Variants in SHISA9 observed in about 807,000 individuals in gnomAD.
SHISA9 encodes protein shisa-9.
Under a neutral mutation model 38.0 loss-of-function variants are expected in SHISA9, and 13 were observed. The ratio of observed to expected loss-of-function variants is 0.34; its 90% confidence interval spans 0.22 to 0.54. SHISA9 has a LOEUF of 0.54. Ranked by LOEUF, SHISA9 falls within the 20% of genes least tolerant of loss-of-function variation. SHISA9 has a pLI of 0.91. For missense variants in SHISA9, 538 were observed against 575.8 expected (o/e 0.93, Z 0.67); for synonymous variants, 275 against 242.0 (o/e 1.14, Z -1.27).
Position 12,902,158 on chromosome 16 carries a change from C to T in SHISA9, c.94C>T (p.Leu32=). The T allele has an allele frequency of 6.5e-7, 1 of 1,526,808 alleles. No homozygotes were observed. The highest frequency in any genetic ancestry group is 8.8e-7 in the Non-Finnish European group (1 of 1,142,846). The allele number at this position is 1,526,808 out of a possible 1,614,324, so 94.6% of individuals were successfully genotyped here. Residue 32 remains leucine, a synonymous_variant, in exon 1 of 5, where the codon CTG becomes TTG. Transcript: ENST00000558583. ...RAQERAGHGQ[L]AQLGGVLLLA... ...GCAGGAGCGAGCGGGACACGGGCAG[C>T]TGGCGCAACTGGGCGGCGTGTTGCT... is the stretch of plus-strand genomic sequence containing the variant.
intron 2 of SHISA9, among the ~76,000 whole-genome samples, chr16:13,123,412 G>A (rs1428012513): frequency 6.6e-6 from 1 of 152,208 alleles, no homozygotes; most frequent in African/African-American, 2.4e-5. Context: ...GCTGCTCGAT[G>A]GGAAATTGAT....
rs1268457124 is a variant in SHISA9 at position 12,974,203 on chromosome 16, T to A, written c.691+57388T>A. 2.6e-5 allele frequency among the ~76,000 whole-genome samples: 4 copies of A among 152,008 alleles called. No individual in the cohort carries two copies. In the East Asian group the frequency reaches 7.7e-4, roughly 29 times the overall value. On this transcript the variant is annotated intron_variant, in intron 2 of 4. Transcript: ENST00000558583. ...TGTATTCACTGCTCATGACTCAAAT[T>A]ATGGGGAGAAAGCGTATATCTGGAC...
chr16:13,167,560 G>A lies in SHISA9; in HGVS notation c.692-35834G>A, dbSNP rs376710301. Among the ~76,000 whole-genome samples, 24 of 152,300 alleles carry A rather than the reference G, an allele frequency of 1.6e-4. No homozygotes were observed. In the East Asian group the frequency reaches 2.1e-3, roughly 13 times the overall value. ...GTATTGGAGGTGGGGCCTGGTGAGA[G>A]GTGATTGGATGATGGGGGCCATGCC... is the stretch of plus-strand genomic sequence containing the variant. On this transcript the variant is annotated intron_variant, in intron 2 of 4. Coordinates refer to ENST00000558583, the MANE Select transcript of SHISA9 (RefSeq NM_001145204.3).
the SHISA9 span, among the ~76,000 whole-genome samples, chr16:13,308,008 G>A: frequency 7.7e-4 from 118 of 152,302 alleles, 1 homozygote; most frequent in Non-Finnish European, 1.4e-3. Flanking sequence ...ACAGACCAGG[G>A]AAAATTTGTT....
At chr16:13,243,768 C>T (rs1400792889), downstream of SHISA9, among the ~76,000 whole-genome samples, 12 of 121,552 alleles carry the variant, frequency 9.9e-5, 1 homozygote, top group South Asian at 1.5e-3. Flanking sequence ...TTTACAGCAG[C>T]GTTTTTTTTT....
chr16:13,015,858 C>CTTTGTTTCTTTCTTTCTTTCTTTCTT (rs879889298), intron 2 of SHISA9, among the ~76,000 whole-genome samples: 1 of 59,730 alleles, frequency 1.7e-5, no homozygotes, highest in African/African-American at 1.1e-4. Flanking sequence ...CTTTCCCTTT[C>CTTTGTTTCTTTCTTTCTTTCTTTCTT]TTTCTTTCTT....
intron 2 of SHISA9, among the ~76,000 whole-genome samples, chr16:13,167,073 T>TA (rs1388622089): frequency 3.6e-4 from 18 of 50,208 alleles, no homozygotes; most frequent in African/African-American, 1.7e-3. Flanking sequence ...CTCTTTTTTC[T>TA]TTTTTTTTTT....
chr16:13,506,261 A>T, the SHISA9 span, among the ~76,000 whole-genome samples: 1 of 152,184 alleles, frequency 6.6e-6, no homozygotes, highest in Non-Finnish European at 1.5e-5. Flanking sequence ...AGTATCTGCC[A>T]CATGCCAGGC....
At chr16:13,360,056 G>T in the SHISA9 span, among the ~76,000 whole-genome samples, 1 of 152,216 alleles carries the variant, frequency 6.6e-6, no homozygotes, top group African/African-American at 2.4e-5. Context: ...GGGCTAAAGC[G>T]TGGAAGGACA....
the SHISA9 span, among the ~76,000 whole-genome samples, chr16:13,496,163 G>A: frequency 6.6e-6 from 1 of 152,036 alleles, no homozygotes; most frequent in African/African-American, 2.4e-5. Flanking sequence ...ATGTAGCCAG[G>A]CAGAAAACAA....
chr16:13,420,176 G>A, the SHISA9 span, among the ~76,000 whole-genome samples: 20,794 of 146,878 alleles, frequency 0.14, 1,546 homozygotes, highest in Non-Finnish European at 0.17. Context: ...AATCTGGAGC[G>A]GGGAGGTTGC....
intron 2 of SHISA9, among the ~76,000 whole-genome samples, chr16:13,138,809 T>C (rs540679824): frequency 6.6e-6 from 1 of 152,160 alleles, no homozygotes; most frequent in African/African-American, 2.4e-5. Context: ...TTGGAAACTT[T>C]TATTATTTTT....
At chr16:12,920,087 G>A (rs2071308338) in intron 2 of SHISA9, among the ~76,000 whole-genome samples, 1 of 151,920 alleles carries the variant, frequency 6.6e-6, no homozygotes, top group African/African-American at 2.4e-5. Context: ...GTGAGTGAGG[G>A]GCTGTGGCTA....
chr16:13,275,952 G>A, the SHISA9 span, among the ~76,000 whole-genome samples: 1 of 151,064 alleles, frequency 6.6e-6, no homozygotes, highest in East Asian at 1.9e-4. Flanking sequence ...ATAATTTATT[G>A]GGGTACAGGT....
chr16:12,937,777 A>C (rs561640083), intron 2 of SHISA9, among the ~76,000 whole-genome samples: 2 of 152,360 alleles, frequency 1.3e-5, no homozygotes, highest in African/African-American at 4.8e-5. Context: ...CCCATCTTCA[A>C]ATACAGAACC....
the SHISA9 span, among the ~76,000 whole-genome samples, chr16:13,483,067 G>A: frequency 5.3e-5 from 8 of 152,198 alleles, no homozygotes. Flanking sequence ...TCTGAGGGGT[G>A]GTGGTGGTTC....
chr16:13,335,882 A>G, the SHISA9 span, among the ~76,000 whole-genome samples: 1 of 152,342 alleles, frequency 6.6e-6, no homozygotes, highest in African/African-American at 2.4e-5. Flanking sequence ...AAATGGAGAC[A>G]TATTATCAAC....
At position 13,070,599 on chromosome 16, in the gene SHISA9, A is replaced by C. The variant is rs139342807; in HGVS notation, c.692-132795A>C. 6.3e-3 allele frequency among the ~76,000 whole-genome samples: 954 copies of C among 152,338 alleles called. 9 individuals are homozygous for C. Among genetic ancestry groups the C allele is most frequent in the African/African-American group, 0.022 (905 of 41,574 alleles). On this transcript the variant is annotated intron_variant, in intron 2 of 4. Coordinates refer to ENST00000558583, the MANE Select transcript of SHISA9 (RefSeq NM_001145204.3). ...TTGCAGAACTAGGCCACCCAGGAAC[A>C]AATTTCCAAAAAGGCAGGAGGCCGG...
chr16:13,377,348 C>T, the SHISA9 span, among the ~76,000 whole-genome samples: 1 of 152,324 alleles, frequency 6.6e-6, no homozygotes, highest in African/African-American at 2.4e-5. Flanking sequence ...GCTGGTAAAT[C>T]CCAGTTCTTT....
Sources: allele counts gnomAD v4.1 joint callset (sites outside exome capture counted in the v4.1 genomes callset), GRCh38; gene constraint gnomAD v4.1.1; transcripts MANE v1.5; gene names NCBI Gene and HGNC (gene_info 2026-07-23, HGNC 2026-07-21).